Variants in NYAP2 observed in about 807,000 individuals in gnomAD.
The protein encoded by NYAP2 is neuronal tyrosine-phosphorylated phosphoinositide-3-kinase adaptor 2, also known as neuronal tyrosine-phosphorylated phosphoinositide-3-kinase adapter 2.
In NYAP2, 23 loss-of-function variants were observed where a neutral mutation model predicts 50.4. The ratio of observed to expected loss-of-function variants is 0.46; its 90% CI spans 0.33 to 0.65. The LOEUF (loss-of-function observed/expected upper bound fraction) is 0.65. NYAP2 is among the 30% of genes least tolerant of loss of function. NYAP2 has a pLI of 0.02. For synonymous variants in NYAP2, 394 were observed against 365.2 expected (o/e 1.08, Z -0.90); for missense variants, 885 against 861.0 (o/e 1.03, Z -0.35).
At chr2:225,412,589 A>C (rs1023959524) in intron 3 of NYAP2, among the ~76,000 whole-genome samples, 2 of 152,090 alleles carry the variant, frequency 1.3e-5, no homozygotes, top group African/African-American at 4.8e-5. Flanking sequence ...GATTTAAATC[A>C]GGAGCCAAAT....
intron 5 of NYAP2, among the ~76,000 whole-genome samples, chr2:225,608,628 T>A (rs1298140520): frequency 6.6e-6 from 1 of 152,070 alleles, no homozygotes; most frequent in East Asian, 1.9e-4. Flanking sequence ...TTCAATTTTT[T>A]AAAAAAAGTA....
intron 6 of NYAP2, among the ~76,000 whole-genome samples, chr2:225,647,234 T>C (rs1312969174): frequency 6.6e-6 from 1 of 152,230 alleles, no homozygotes; most frequent in East Asian, 1.9e-4. Context: ...TGGCTTATTA[T>C]GGAAACATGT....
At chr2:225,508,269 C>T (rs963221469) in intron 3 of NYAP2, among the ~76,000 whole-genome samples, 3 of 152,184 alleles carry the variant, frequency 2.0e-5, no homozygotes, top group Non-Finnish European at 4.4e-5. Flanking sequence ...ACATAACTTT[C>T]ACTTCCAGCC....
At chr2:225,412,575 C>T (rs1215590105) in intron 3 of NYAP2, among the ~76,000 whole-genome samples, 1 of 151,882 alleles carries the variant, frequency 6.6e-6, no homozygotes, top group Non-Finnish European at 1.5e-5. Flanking sequence ...AAAGTCAATA[C>T]ATAGATTTAA....
intron 3 of NYAP2, among the ~76,000 whole-genome samples, chr2:225,477,126 T>C (rs1338091080): frequency 6.6e-6 from 1 of 152,042 alleles, no homozygotes; most frequent in African/African-American, 2.4e-5. Context: ...CTTTTGGAAG[T>C]ATACCTCTGT....
At chr2:225,557,174 T>C (rs1574676680) in intron 4 of NYAP2, among the ~76,000 whole-genome samples, 1 of 152,222 alleles carries the variant, frequency 6.6e-6, no homozygotes, top group East Asian at 1.9e-4. Flanking sequence ...TCCATCTGTC[T>C]ACTTAATAGC....
chr2:225,458,066 A>G (rs569658067), intron 3 of NYAP2, among the ~76,000 whole-genome samples: 1 of 152,336 alleles, frequency 6.6e-6, no homozygotes, highest in South Asian at 2.1e-4. Flanking sequence ...TTAAGAAAAA[A>G]AAACGATACG....
At chr2:225,599,943 G>A (rs1293694329) in intron 5 of NYAP2, among the ~76,000 whole-genome samples, 2 of 152,104 alleles carry the variant, frequency 1.3e-5, no homozygotes, top group South Asian at 4.2e-4. Context: ...TCATACTGTT[G>A]TGCAAATGTA....
chr2:225,582,724 C>T lies in NYAP2; in HGVS notation c.1307C>T (p.Ser436Phe), dbSNP rs369970591. ...GGCTACCCTAAAAGTCACTCCACCT[C>T]TCCCTCCCCCGTCAGCATGGGGAGG... Residue 436 changes from serine (S) to phenylalanine (F), a missense_variant, in exon 5 of 7, where the codon TCT becomes TTT. By Grantham distance (155) the Ser-to-Phe change is radical. Transcript: ENST00000636099. This position sits in a 1 kb window ranked among gnomAD's most constrained non-coding sequence, Gnocchi z 7.0. 1 of 1,611,254 alleles carries T rather than the reference C, an allele frequency of 6.2e-7. No homozygotes were observed. Among genetic ancestry groups the T allele is most frequent in the Non-Finnish European group, 8.5e-7 (1 of 1,178,122 alleles).
chr2:225,569,667 G>A (rs549726595), intron 4 of NYAP2, among the ~76,000 whole-genome samples: 5 of 152,110 alleles, frequency 3.3e-5, no homozygotes, highest in South Asian at 2.1e-4. Flanking sequence ...TCATTGTCTC[G>A]TTTGATTTTC....
chr2:225,460,992 CAAAAAAAAAAAAA>C (rs869283101), intron 3 of NYAP2, among the ~76,000 whole-genome samples: 3 of 43,066 alleles, frequency 7.0e-5, no homozygotes, highest in Non-Finnish European at 1.1e-4. Flanking sequence ...GACTCTGTCT[CAAAAAAAAAAAAA>C]AAAAAAAAAA....
chr2:225,530,979 C>A (rs1420814808), intron 4 of NYAP2, among the ~76,000 whole-genome samples: 1 of 152,190 alleles, frequency 6.6e-6, no homozygotes, highest in Non-Finnish European at 1.5e-5. Flanking sequence ...ATTGCATGGG[C>A]ACCTAACTGG....
chr2:225,409,027 G>T (rs1014454457), exon 3 of NYAP2: 1 of 1,612,334 alleles, frequency 6.2e-7, no homozygotes, highest in African/African-American at 1.3e-5. Context: ...ATGATCGCTT[G>T]AGAAATGAAA....
intron 5 of NYAP2, among the ~76,000 whole-genome samples, chr2:225,595,003 CCAGAA>C (rs546528129): frequency 4.1e-4 from 62 of 152,208 alleles, no homozygotes; most frequent in Non-Finnish European, 7.6e-4. Flanking sequence ...AGAAAAGAAC[CCAGAA>C]CAGCTGAACT....
chr2:225,569,913 A>C (rs1692036703), intron 4 of NYAP2, among the ~76,000 whole-genome samples: 1 of 152,120 alleles, frequency 6.6e-6, no homozygotes, highest in Admixed American at 6.5e-5. Flanking sequence ...TGATAGATAC[A>C]TTGTCTCCAA....
At chr2:225,500,568 A>G (rs1290603147) in intron 3 of NYAP2, among the ~76,000 whole-genome samples, 2 of 152,206 alleles carry the variant, frequency 1.3e-5, no homozygotes, top group Non-Finnish European at 1.5e-5. Flanking sequence ...GGTACTTTCT[A>G]TAAAGTCTTT....
intron 6 of NYAP2, among the ~76,000 whole-genome samples, chr2:225,644,491 G>A (rs1237437484): frequency 1.3e-5 from 2 of 151,612 alleles, no homozygotes; most frequent in African/African-American, 2.4e-5. Context: ...ATTGCTTTTG[G>A]TGTTTTAGAC....
intron 4 of NYAP2, among the ~76,000 whole-genome samples, chr2:225,545,451 G>A (rs1481991549): frequency 4.0e-5 from 6 of 151,808 alleles, no homozygotes; most frequent in Non-Finnish European, 8.8e-5. Flanking sequence ...TCTTCTGCTT[G>A]ATCAATTCTG....
intron 5 of NYAP2, among the ~76,000 whole-genome samples, chr2:225,587,489 G>A (rs543917632): frequency 1.2e-4 from 18 of 152,200 alleles, no homozygotes; most frequent in Non-Finnish European, 1.8e-4. Flanking sequence ...GAAGAGAGGC[G>A]CACAGAAAGG....
Sources: gnomAD v4.1 joint callset for allele counts (sites outside exome capture counted in the v4.1 genomes callset) on GRCh38, gnomAD v4.1.1 for gene constraint, Gnocchi (gnomAD v3.1) non-coding constraint, MANE v1.5 for transcripts, NCBI Gene and HGNC (gene_info 2026-07-23, HGNC 2026-07-21) for gene names.